The following RPTOR variants were observed in gnomAD, a reference collection of about 807,000 sequenced individuals.
The protein encoded by RPTOR is regulatory associated protein of MTOR complex 1, also known as regulatory-associated protein of mTOR.
RPTOR carries 21 observed loss-of-function variants against 169.9 expected under a neutral mutation model. The observed-to-expected ratio is 0.12, with a 90% CI of 0.09 to 0.18. The LOEUF (loss-of-function observed/expected upper bound fraction) is 0.18. RPTOR is among the 10% of genes least tolerant of loss of function. The probability of loss-of-function intolerance (pLI) is 1.00; values close to 1 mark genes in which losing one functional copy is unlikely to be tolerated. For synonymous variants in RPTOR, 732 were observed against 753.2 expected (o/e 0.97, Z 0.46); for missense variants, 1,133 against 1,855.9 (o/e 0.61, Z 7.16).
intron 3 of RPTOR, among the ~76,000 whole-genome samples, chr17:80,666,445 C>T (rs142782639): frequency 6.6e-6 from 1 of 151,908 alleles, no homozygotes; most frequent in Non-Finnish European, 1.5e-5. Context: ...TAGGTGAGGC[C>T]GAAACAAGTG....
chr17:80,604,070 C>G (rs1020709308), intron 1 of RPTOR, among the ~76,000 whole-genome samples: 1 of 152,186 alleles, frequency 6.6e-6, no homozygotes, highest in Non-Finnish European at 1.5e-5. Context: ...CAGATACCAA[C>G]TTATCCTTTC....
At chr17:80,635,065 C>T (rs2065495719) in intron 2 of RPTOR, among the ~76,000 whole-genome samples, 1 of 152,220 alleles carries the variant, frequency 6.6e-6, no homozygotes, top group Non-Finnish European at 1.5e-5. Flanking sequence ...CATCTTCTGA[C>T]AGTGACAACC....
intron 24 of RPTOR, among the ~76,000 whole-genome samples, chr17:80,937,836 C>T (rs781604601): frequency 1.3e-5 from 2 of 152,238 alleles, no homozygotes; most frequent in Non-Finnish European, 2.9e-5. Flanking sequence ...CTCTGCCTTC[C>T]CCTGGCCTCT....
intron 24 of RPTOR, among the ~76,000 whole-genome samples, chr17:80,937,022 G>A (rs1279604016): frequency 2.0e-5 from 3 of 152,148 alleles, no homozygotes; most frequent in East Asian, 1.9e-4. Flanking sequence ...CTCTGTCCAC[G>A]GAGGGGACTT....
chr17:80,670,326 C>T (rs1164439546), intron 3 of RPTOR, among the ~76,000 whole-genome samples: 2 of 152,132 alleles, frequency 1.3e-5, no homozygotes, highest in Non-Finnish European at 2.9e-5. Context: ...TTGCGCCTTC[C>T]CTCTCCTTTC....
intron 4 of RPTOR, among the ~76,000 whole-genome samples, chr17:80,710,414 C>A (rs868537757): frequency 6.6e-6 from 1 of 152,214 alleles, no homozygotes; most frequent in African/African-American, 2.4e-5. Context: ...CTTGTCCTCG[C>A]AGAGGGAGAG....
At chr17:80,546,805 G>GCGGAT (rs1568296953) in intron 1 of RPTOR, among the ~76,000 whole-genome samples, 3 of 152,152 alleles carry the variant, frequency 2.0e-5, no homozygotes, top group African/African-American at 7.2e-5. Context: ...TGTAATCTCA[G>GCGGAT]CACTTTGGGA....
intron 6 of RPTOR, among the ~76,000 whole-genome samples, chr17:80,771,377 C>A (rs979254140): frequency 1.3e-5 from 2 of 152,200 alleles, no homozygotes; most frequent in African/African-American, 4.8e-5. Context: ...ACCTCTCATG[C>A]CTGAAACAAA....
chr17:80,760,384 CT>C (rs1180195434), intron 6 of RPTOR, among the ~76,000 whole-genome samples: 1 of 146,608 alleles, frequency 6.8e-6, no homozygotes, highest in Non-Finnish European at 1.5e-5. Context: ...TCACTGCAAC[CT>C]CCACCTCCTC....
At position 80,888,108 on chromosome 17, in the gene RPTOR, A is replaced by C. The variant is rs572109728; in HGVS notation, c.1983+2960A>C. ...AGGAAATAAGGACTGTTCAGATACT[A>C]TTTTATTTTATTTGTTTTATTTTAT... On this transcript the variant is annotated intron_variant, in intron 17 of 33. Coordinates refer to ENST00000306801, the MANE Select transcript of RPTOR (RefSeq NM_020761.3). 2.0e-5 allele frequency among the ~76,000 whole-genome samples: 3 copies of C among 152,102 alleles called. No individual in the cohort carries two copies. The East Asian group carries it at 5.8e-4, about 29-fold the overall frequency.
intron 1 of RPTOR, among the ~76,000 whole-genome samples, chr17:80,619,230 T>C (rs1475766951): frequency 6.6e-6 from 1 of 151,988 alleles, no homozygotes; most frequent in African/African-American, 2.4e-5. Flanking sequence ...GTTGTTGATG[T>C]TGGGAGGATA....
At chr17:80,915,821 G>A (rs986424335) in intron 21 of RPTOR, among the ~76,000 whole-genome samples, 7 of 149,884 alleles carry the variant, frequency 4.7e-5, no homozygotes, top group Non-Finnish European at 3.0e-5. Context: ...AAAACCAGCT[G>A]CGGAGAGGAG....
chr17:80,801,176 G>A (rs150291475), intron 7 of RPTOR, among the ~76,000 whole-genome samples: 16 of 152,324 alleles, frequency 1.1e-4, no homozygotes, highest in African/African-American at 3.4e-4. Flanking sequence ...TTGAGAGCAC[G>A]TGGCTATCCG....
At chr17:80,600,059 C>G (rs2065174139) in intron 1 of RPTOR, among the ~76,000 whole-genome samples, 1 of 152,130 alleles carries the variant, frequency 6.6e-6, no homozygotes, top group Admixed American at 6.5e-5. Flanking sequence ...GCTGTGAGCT[C>G]CGTTCCTAAG....
chr17:80,870,377 C>T (rs1451328879), intron 13 of RPTOR, among the ~76,000 whole-genome samples: 1 of 152,350 alleles, frequency 6.6e-6, no homozygotes, highest in East Asian at 1.9e-4. Context: ...GCAGCCCCCA[C>T]GTCTGTGCTG....
In RPTOR at chr17:80,945,864, C is replaced by A; in HGVS notation, c.3140+83C>A. ...CTGTTCTCCCCCGATCACCACTCCTCTTCCTTGAAAAGCAGATACAAGGCA... is the reference window on the plus strand; with the variant it reads ...CTGTTCTCCCCCGATCACCACTCCTATTCCTTGAAAAGCAGATACAAGGCA... On this transcript the variant is annotated intron_variant, in intron 26 of 33. Coordinates refer to ENST00000306801, the MANE Select transcript of RPTOR (RefSeq NM_020761.3). 3 of 779,800 alleles carry A rather than the reference C, an allele frequency of 3.8e-6. No individual in the cohort carries two copies. The South Asian group carries it at 6.8e-5, about 18-fold the overall frequency. 48.3% of individuals were successfully genotyped at this position (779,800 alleles called of 1,614,324 possible).
chr17:80,752,634 A>AG (rs2066641314), intron 5 of RPTOR, among the ~76,000 whole-genome samples: 1 of 152,254 alleles, frequency 6.6e-6, no homozygotes, highest in Non-Finnish European at 1.5e-5. Context: ...CAGGCAACGT[A>AG]GGTAGCCAGG....
intron 9 of RPTOR, among the ~76,000 whole-genome samples, chr17:80,833,426 G>C (rs1474389072): frequency 1.3e-5 from 2 of 152,180 alleles, no homozygotes; most frequent in Admixed American, 6.5e-5. Flanking sequence ...TTGATCGCAG[G>C]CTGTGGGAAG....
intron 1 of RPTOR, among the ~76,000 whole-genome samples, chr17:80,555,354 G>C (rs150314556): frequency 1.2e-4 from 19 of 152,318 alleles, no homozygotes; most frequent in African/African-American, 4.6e-4. Context: ...TGGCCACCTA[G>C]CCCTCCATCA....
Sources: gnomAD v4.1 joint callset for allele counts (sites outside exome capture counted in the v4.1 genomes callset) on GRCh38, gnomAD v4.1.1 for gene constraint, MANE v1.5 for transcripts, NCBI Gene and HGNC (gene_info 2026-07-23, HGNC 2026-07-21) for gene names.